The following ADGRL3 variants were observed in gnomAD, a reference collection of about 807,000 sequenced individuals.
The protein encoded by ADGRL3 is calcium-independent alpha-latrotoxin receptor 3.
A neutral mutation model predicts 153.5 loss-of-function variants in ADGRL3; 62 were observed. That is an observed-to-expected ratio of 0.40 (90% CI 0.33 to 0.50). The LOEUF is 0.50. Among genes scored for constraint, ADGRL3 ranks in the 20% least tolerant of loss-of-function variants. ADGRL3 has a pLI of 0.47. For synonymous variants in ADGRL3, 710 were observed against 672.5 expected, an observed-to-expected ratio of 1.06 and a Z score of -0.86; for missense variants, 1,641 against 1,859.4, an observed-to-expected ratio of 0.88 and a Z score of 2.16.
intron 10 of ADGRL3, among the ~76,000 whole-genome samples, chr4:61,895,347 T>A (rs1456599675): frequency 6.6e-6 from 1 of 152,062 alleles, no homozygotes; most frequent in Non-Finnish European, 1.5e-5. Flanking sequence ...ATGCCTGTAG[T>A]CCCAGCTACT....
At chr4:61,816,454 G>A (rs1396946308) in intron 9 of ADGRL3, among the ~76,000 whole-genome samples, 1 of 152,118 alleles carries the variant, frequency 6.6e-6, no homozygotes, top group East Asian at 1.9e-4. Context: ...TGTCCCATTA[G>A]CCAAAGCAAG....
At chr4:61,523,392 G>A (rs1354547314) in intron 4 of ADGRL3, among the ~76,000 whole-genome samples, 2 of 152,056 alleles carry the variant, frequency 1.3e-5, no homozygotes, top group African/African-American at 4.8e-5. Context: ...TGCTGTGTTA[G>A]CTGCCTTCTT....
intron 2 of ADGRL3, among the ~76,000 whole-genome samples, chr4:61,413,687 T>A (rs1222477532): frequency 6.6e-6 from 1 of 152,174 alleles, no homozygotes; most frequent in East Asian, 1.9e-4. Context: ...TTTCGGTCTA[T>A]ATCTGTTGGT....
chr4:61,495,730 A>C (rs2152803050), intron 2 of ADGRL3, among the ~76,000 whole-genome samples: 1 of 152,270 alleles, frequency 6.6e-6, no homozygotes, highest in East Asian at 1.9e-4. Flanking sequence ...TCAGTGCTTA[A>C]AGTTATTAAT....
chr4:62,068,115 T>G, intron 25 of ADGRL3, 51 bp from the exon 26 acceptor site: 1 of 1,320,386 alleles, frequency 7.6e-7, no homozygotes, highest in Non-Finnish European at 1.0e-6. Context: ...CTACTGTCGC[T>G]GTAAGCTTAC....
At chr4:61,496,927 C>T (rs771138013) in intron 2 of ADGRL3, among the ~76,000 whole-genome samples, 194 bp from the exon 3 acceptor site, 5 of 128,624 alleles carry the variant, frequency 3.9e-5, no homozygotes, top group African/African-American at 8.5e-5. Flanking sequence ...GGCGACAGAG[C>T]GAGACTCCAT....
chr4:61,792,757 G>T (rs2097359061), intron 8 of ADGRL3, among the ~76,000 whole-genome samples: 1 of 151,874 alleles, frequency 6.6e-6, no homozygotes, highest in South Asian at 2.1e-4. Flanking sequence ...CAAGGTGCTG[G>T]GATTACAGGC....
At chr4:61,748,589 C>G (rs1267646326) in intron 8 of ADGRL3, among the ~76,000 whole-genome samples, 4 of 152,004 alleles carry the variant, frequency 2.6e-5, no homozygotes, top group Non-Finnish European at 4.4e-5. Flanking sequence ...TGACAAACCT[C>G]AGAAAAACAA....
chr4:61,949,308 A>G (rs1363465942), intron 17 of ADGRL3, among the ~76,000 whole-genome samples: 1 of 152,234 alleles, frequency 6.6e-6, no homozygotes, highest in Non-Finnish European at 1.5e-5. Context: ...GGCATTAAAA[A>G]TTTAATTTTT....
At chr4:61,870,502 G>A (rs1310658834) in intron 9 of ADGRL3, among the ~76,000 whole-genome samples, 7 of 152,106 alleles carry the variant, frequency 4.6e-5, no homozygotes, top group South Asian at 2.1e-4. Flanking sequence ...ACACTGGCAC[G>A]AAATGAAAGG....
At chr4:61,274,580 G>T (rs954006290) in intron 1 of ADGRL3, among the ~76,000 whole-genome samples, 2 of 152,082 alleles carry the variant, frequency 1.3e-5, no homozygotes, top group Non-Finnish European at 2.9e-5. Context: ...AACATATTAA[G>T]GGTTAAAAAA....
rs1037121428 is a variant in ADGRL3, at chr4:62,071,113, A to G, written c.*205A>G. ...AAGATAACTGCTAAAATTCCCCTGTACCCCATCCTTTCTTGTCCTTTCCCC... is the reference window on the plus strand; with the variant it reads ...AAGATAACTGCTAAAATTCCCCTGTGCCCCATCCTTTCTTGTCCTTTCCCC... On this transcript the variant is annotated 3_prime_UTR_variant, in exon 27 of 27. Transcript: ENST00000683033. 1 of 505,222 alleles carries G rather than the reference A, an allele frequency of 2.0e-6. No homozygotes were observed. The highest frequency in any genetic ancestry group is 1.9e-5 in the African/African-American group (1 of 52,534). The allele number at this position is 505,222 out of a possible 1,614,324, so 31.3% of individuals were successfully genotyped here. A position where few individuals can be genotyped will look rare whatever the true frequency, so the allele number is the denominator to read the frequency against.
chr4:61,644,311 T>A (rs1580047952), intron 5 of ADGRL3, among the ~76,000 whole-genome samples: 2 of 150,798 alleles, frequency 1.3e-5, no homozygotes, highest in East Asian at 3.9e-4. Context: ...CTGATTTTAG[T>A]TATTTCTTGC....
At chr4:61,567,507 A>C (rs1048829546) in intron 4 of ADGRL3, among the ~76,000 whole-genome samples, 5 of 152,190 alleles carry the variant, frequency 3.3e-5, no homozygotes, top group African/African-American at 1.2e-4. Context: ...GGTCACAGCT[A>C]GAAGATGCCG....
chr4:61,270,070 T>C (rs2093076261), intron 1 of ADGRL3, among the ~76,000 whole-genome samples: 1 of 151,740 alleles, frequency 6.6e-6, no homozygotes, highest in Non-Finnish European at 1.5e-5. Context: ...TAAATGTATT[T>C]ATTAATAGAC....
chr4:61,381,370 C>T (rs1349536779), intron 1 of ADGRL3, among the ~76,000 whole-genome samples: 1 of 148,878 alleles, frequency 6.7e-6, no homozygotes, highest in East Asian at 2.0e-4. Flanking sequence ...TTTACCCAGT[C>T]AGCATTTCAT....
At chr4:61,955,689 C>T (rs1287992826) in intron 17 of ADGRL3, among the ~76,000 whole-genome samples, 1 of 152,130 alleles carries the variant, frequency 6.6e-6, no homozygotes, top group Non-Finnish European at 1.5e-5. Flanking sequence ...TTCCCTCACC[C>T]CCCAATCCCA....
intron 4 of ADGRL3, among the ~76,000 whole-genome samples, chr4:61,518,367 C>A (rs972461410): frequency 4.2e-5 from 6 of 144,180 alleles, no homozygotes; most frequent in Non-Finnish European, 7.5e-5. Flanking sequence ...AGTCACTATT[C>A]TGACCCAAGA....
intron 1 of ADGRL3, among the ~76,000 whole-genome samples, chr4:61,291,039 A>T (rs781639962): frequency 6.6e-6 from 1 of 152,026 alleles, no homozygotes; most frequent in Non-Finnish European, 1.5e-5. Flanking sequence ...GGTAAGTTAC[A>T]AATTGGTGAA....
Sources: allele counts gnomAD v4.1 joint callset (sites outside exome capture counted in the v4.1 genomes callset), GRCh38; gene constraint gnomAD v4.1.1; transcripts MANE v1.5; gene names NCBI Gene and HGNC (gene_info 2026-07-23, HGNC 2026-07-21).